Variants in C5 observed in about 807,000 individuals in gnomAD.
C5 encodes the protein C3 and PZP-like alpha-2-macroglobulin domain-containing protein 4.
Under a neutral mutation model 218.8 loss-of-function variants are expected in C5, and 140 were observed. That is an observed-to-expected ratio of 0.64 (90% CI 0.56 to 0.74). The LOEUF (loss-of-function observed/expected upper bound fraction) is 0.74. C5 is among the 30% of genes least tolerant of loss of function. The pLI is 0.00. For missense variants in C5, 1,700 were observed against 1,969.6 expected, an observed-to-expected ratio of 0.86 and a Z score of 2.59; for synonymous variants, 614 against 682.3, an observed-to-expected ratio of 0.90 and a Z score of 1.56.
At chr9:121,056,455 G>C in the C5 span, among the ~76,000 whole-genome samples, 10 of 152,242 alleles carry the variant, frequency 6.6e-5, no homozygotes, top group South Asian at 2.1e-3. Context: ...CTAAAATATA[G>C]ATTACTAAGA....
rs1239344218 is a variant in C5 at position 121,046,235 on chromosome 9, G to T, written c.214C>A (p.His72Asn). The T allele has an allele frequency of 5.0e-6, 8 of 1,605,086 alleles. No individual in the cohort carries two copies. In the East Asian group the frequency reaches 1.3e-4, roughly 27 times the overall value. The stretch of plus-strand genomic sequence containing the variant: ...TGGAATTTATTCTCTGAGGATAAAT[G>T]AACATGGCCTGAGGAGTAACTAAAT... ...KKFSYSSGHV[H>N]LSSENKFQNS... The change falls in exon 2 of 41, where the codon CAT becomes AAT. Residue 72 changes from histidine to asparagine, a missense_variant. Coordinates refer to ENST00000223642, the MANE Select transcript of C5 (RefSeq NM_001735.3).
chr9:120,980,032 CT>C (rs2046980032), intron 28 of C5, 50 bp downstream of exon 28: 1 of 1,556,540 alleles, frequency 6.4e-7, no homozygotes, highest in African/African-American at 1.4e-5. Flanking sequence ...GACTAGCAGA[CT>C]TTATGTCTTA....
At chr9:121,008,615 C>T in intron 17 of C5, 117 bp from the exon 18 acceptor site, 1 of 790,598 alleles carries the variant, frequency 1.3e-6, no homozygotes, top group Non-Finnish European at 2.1e-6. Flanking sequence ...GTAAATAAAA[C>T]ATTTTGTTTA....
chr9:120,989,228 G>T, intron 24 of C5, 107 bp from the exon 25 acceptor site: 1 of 848,688 alleles, frequency 1.2e-6, no homozygotes, highest in Non-Finnish European at 2.0e-6. Flanking sequence ...GTGTTGGGCA[G>T]CAAGCATATG....
In C5 at chr9:121,019,603, C is replaced by T. The variant is rs1447921242; in HGVS notation, c.1506+373G>A. ...CTGGGTCTAGGCATATAATCTTTGG[C>T]CATGAAAGAGAACAGAGGCAACATG... On this transcript the variant is annotated intron_variant, in intron 12 of 40. Transcript: ENST00000223642. 2.0e-5 allele frequency among the ~76,000 whole-genome samples: 3 copies of T among 152,106 alleles called. No individual in the cohort carries two copies. In the East Asian group the frequency reaches 5.8e-4, roughly 29 times the overall value.
At chr9:121,057,749 C>A in the C5 span, among the ~76,000 whole-genome samples, 1 of 151,938 alleles carries the variant, frequency 6.6e-6, no homozygotes, top group African/African-American at 2.4e-5. Flanking sequence ...AAACGAGTAA[C>A]AAAATGTCAA....
chr9:121,042,972 C>T (rs1374055537), intron 3 of C5, 32 bp downstream of exon 3: 1 of 1,578,296 alleles, frequency 6.3e-7, no homozygotes. Flanking sequence ...GTCAAATCCC[C>T]CACCCAGAGG....
At chr9:121,003,376 A>G (rs1163462924) in intron 20 of C5, among the ~76,000 whole-genome samples, 1 of 152,174 alleles carries the variant, frequency 6.6e-6, no homozygotes, top group African/African-American at 2.4e-5. Context: ...TCCTGTGGCC[A>G]AGTAAAATTT....
the C5 span, among the ~76,000 whole-genome samples, chr9:121,070,604 T>C: frequency 6.6e-6 from 1 of 151,738 alleles, no homozygotes; most frequent in Non-Finnish European, 1.5e-5. Context: ...AGACAGTATA[T>C]TACGTGAATA....
intron 1 of C5, among the ~76,000 whole-genome samples, chr9:121,048,210 A>T (rs554300049): frequency 5.9e-5 from 9 of 152,180 alleles, no homozygotes; most frequent in Non-Finnish European, 1.2e-4. Flanking sequence ...TTATGTTTTT[A>T]AGTTTAGTAT....
intron 22 of C5, among the ~76,000 whole-genome samples, chr9:120,992,665 T>C (rs1233285985): frequency 6.6e-6 from 1 of 152,178 alleles, no homozygotes; most frequent in African/African-American, 2.4e-5. Context: ...TTAATTTTAT[T>C]CCTCATCAGT....
At chr9:121,053,818 C>T (rs7855998), upstream of C5, among the ~76,000 whole-genome samples, 56,368 of 151,900 alleles carry the variant, frequency 0.37, 12,452 homozygotes, top group South Asian at 0.63. Context: ...ATTCTGCAGG[C>T]GCCTAGAATT....
In C5 at chr9:120,973,255, C is replaced by T. The variant is rs543931848; in HGVS notation, c.4018-1263G>A. On this transcript the variant is annotated intron_variant, in intron 30 of 40. Transcript: ENST00000223642. ...TGTTAGGATGACAAGAGGCCTCTTA[C>T]AGCATTATCCCTATAGAGAAGAATA... Among the ~76,000 whole-genome samples, 383 of 152,224 alleles carry T rather than the reference C, an allele frequency of 2.5e-3. 3 individuals are homozygous for T. The highest frequency in any genetic ancestry group is 2.3e-3 in the Non-Finnish European group (158 of 68,010).
intron 11 of C5, among the ~76,000 whole-genome samples, chr9:121,020,817 T>C (rs2047358792): frequency 6.6e-6 from 1 of 152,118 alleles, no homozygotes. Flanking sequence ...AAAAGAGAGG[T>C]TAGAAGCCTC....
At chr9:121,069,276 C>A in the C5 span, among the ~76,000 whole-genome samples, 1 of 152,110 alleles carries the variant, frequency 6.6e-6, no homozygotes, top group African/African-American at 2.4e-5. Flanking sequence ...ATCTGGAATA[C>A]ACACGGAACT....
At chr9:121,068,356 G>T in the C5 span, among the ~76,000 whole-genome samples, 1 of 151,568 alleles carries the variant, frequency 6.6e-6, no homozygotes, top group African/African-American at 2.4e-5. Context: ...AGCTAAAAAA[G>T]AAATCAAGAA....
chr9:121,034,209 C>T (rs1486570603), intron 5 of C5, among the ~76,000 whole-genome samples: 11 of 152,144 alleles, frequency 7.2e-5, no homozygotes, highest in Admixed American at 5.2e-4. Context: ...CATGAGCCAC[C>T]GCACCTGGCC....
intron 33 of C5, among the ~76,000 whole-genome samples, chr9:120,966,679 G>A (rs2046870291): frequency 6.6e-6 from 1 of 152,150 alleles, no homozygotes; most frequent in Non-Finnish European, 1.5e-5. Flanking sequence ...ATGGCATTTA[G>A]GGGGAAAGAA....
At chr9:120,990,623 A>G (rs532425178) in intron 23 of C5, among the ~76,000 whole-genome samples, 1 of 152,300 alleles carries the variant, frequency 6.6e-6, no homozygotes, top group African/African-American at 2.4e-5. Context: ...AGGAGGATAC[A>G]GCAACATATA....
Sources: allele counts gnomAD v4.1 joint callset (sites outside exome capture counted in the v4.1 genomes callset), GRCh38; gene constraint gnomAD v4.1.1; transcripts MANE v1.5; gene names NCBI Gene and HGNC (gene_info 2026-07-23, HGNC 2026-07-21).